GALNT13: variants seen among roughly 807,000 people sequenced by gnomAD.
GALNT13 encodes the protein polypeptide N-acetylgalactosaminyltransferase 13, also known as UDP-GalNAc:polypeptide N-acetylgalactosaminyltransferase 13.
A neutral mutation model predicts 64.2 loss-of-function variants in GALNT13; 28 were observed. The observed-to-expected ratio is 0.44, with a 90% CI of 0.32 to 0.60. The LOEUF (loss-of-function observed/expected upper bound fraction) is 0.60, where lower values mean the gene tolerates loss of function less well. Ranked by LOEUF, GALNT13 falls within the 20% of genes least tolerant of loss-of-function variation. The pLI is 0.05. For synonymous variants in GALNT13, 214 were observed against 224.6 expected, an observed-to-expected ratio of 0.95 and a Z score of 0.42; for missense variants, 577 against 669.8, an observed-to-expected ratio of 0.86 and a Z score of 1.53.
intron 8 of GALNT13, among the ~76,000 whole-genome samples, chr2:154,268,517 T>C (rs1307987683): frequency 6.6e-6 from 1 of 152,170 alleles, no homozygotes; most frequent in Non-Finnish European, 1.5e-5. Flanking sequence ...CTCACAAGTT[T>C]CACCTATGAC....
intron 4 of GALNT13, among the ~76,000 whole-genome samples, chr2:154,201,636 C>T (rs1442070814): frequency 6.6e-6 from 1 of 152,106 alleles, no homozygotes; most frequent in Non-Finnish European, 1.5e-5. Flanking sequence ...TTCTTTAGAT[C>T]ACATTTTTTA....
At chr2:153,605,316 C>A in the GALNT13 span, among the ~76,000 whole-genome samples, 1 of 152,222 alleles carries the variant, frequency 6.6e-6, no homozygotes, top group South Asian at 2.1e-4. Flanking sequence ...TCTTGCTAAG[C>A]AAGCTCATTG....
chr2:154,396,031 A>G lies in GALNT13; in HGVS notation c.1197A>G (p.Lys399=). The G allele has an allele frequency of 6.2e-7, 1 of 1,610,530 alleles. No homozygotes were observed. The highest frequency in any genetic ancestry group is 8.5e-7 in the Non-Finnish European group (1 of 1,178,408). ...ATTATGGAGATGTGTCAGTCAGAAA[A>G]ACACTAAGAGAAAATCTGAAGTGTA... ...KVDYGDVSVR[K]TLRENLKCKP... The change falls in exon 10 of 13, where the codon AAA becomes AAG. Residue 399 remains lysine (K), a synonymous_variant. Transcript: ENST00000392825.
chr2:153,447,698 C>CA, the GALNT13 span, among the ~76,000 whole-genome samples: 7 of 152,104 alleles, frequency 4.6e-5, no homozygotes, highest in Admixed American at 2.0e-4. Flanking sequence ...CTCTTACTGT[C>CA]AAAAAGTTAG....
At chr2:154,357,973 G>C (rs971680869) in intron 9 of GALNT13, among the ~76,000 whole-genome samples, 48 of 152,112 alleles carry the variant, frequency 3.2e-4, no homozygotes, top group African/African-American at 1.1e-3. Flanking sequence ...CTGAGTTTCT[G>C]ACTTACTCAT....
chr2:153,358,090 CT>C, the GALNT13 span, among the ~76,000 whole-genome samples: 4 of 152,156 alleles, frequency 2.6e-5, no homozygotes, highest in Admixed American at 2.0e-4. Context: ...CTGCAGGCTA[CT>C]TAAAAGTGCT....
the GALNT13 span, among the ~76,000 whole-genome samples, chr2:153,836,119 C>T: frequency 3.9e-5 from 6 of 151,956 alleles, no homozygotes; most frequent in Non-Finnish European, 5.9e-5. Flanking sequence ...GGAAAAGATG[C>T]AATCTCAGCT....
At chr2:154,037,460 C>G (rs925105998) in intron 3 of GALNT13, among the ~76,000 whole-genome samples, 9 of 152,102 alleles carry the variant, frequency 5.9e-5, no homozygotes, top group African/African-American at 9.7e-5. Context: ...GACAAGGATG[C>G]CTCCTTTCAC....
intron 1 of GALNT13, among the ~76,000 whole-genome samples, chr2:153,894,524 A>G (rs1687766930): frequency 6.6e-6 from 1 of 152,076 alleles, no homozygotes; most frequent in South Asian, 2.1e-4. Flanking sequence ...GAAAATATGC[A>G]AGGGAGTTAG....
chr2:153,707,982 T>C, the GALNT13 span, among the ~76,000 whole-genome samples: 2 of 152,114 alleles, frequency 1.3e-5, no homozygotes, highest in Non-Finnish European at 1.5e-5. Flanking sequence ...TTAAATGATA[T>C]TAAGATGCCA....
the GALNT13 span, among the ~76,000 whole-genome samples, chr2:153,830,220 G>C: frequency 0.048 from 7,300 of 152,082 alleles, 220 homozygotes; most frequent in East Asian, 0.13. Context: ...TTCAAAATCT[G>C]CGTAATATTT....
chr2:153,248,017 A>G, the GALNT13 span, among the ~76,000 whole-genome samples: 1 of 152,232 alleles, frequency 6.6e-6, no homozygotes, highest in African/African-American at 2.4e-5. Flanking sequence ...ACCAGGAAGA[A>G]GATGAGTGCC....
At chr2:153,803,704 A>G in the GALNT13 span, among the ~76,000 whole-genome samples, 596 of 150,330 alleles carry the variant, frequency 4.0e-3, 10 homozygotes, top group African/African-American at 0.014. Context: ...AAAAAAAAAA[A>G]AAAAGAAAAA....
intron 2 of GALNT13, among the ~76,000 whole-genome samples, chr2:153,935,323 A>G (rs1298397336): frequency 3.9e-5 from 6 of 152,180 alleles, no homozygotes; most frequent in Non-Finnish European, 5.9e-5. Context: ...CCATGGAGAG[A>G]TAGTCCATGG....
At chr2:153,681,560 C>A in the GALNT13 span, among the ~76,000 whole-genome samples, 1 of 151,766 alleles carries the variant, frequency 6.6e-6, no homozygotes, top group Non-Finnish European at 1.5e-5. Context: ...AACAGAAAGA[C>A]AACCAAACTT....
At chr2:153,085,343 C>A in the GALNT13 span, among the ~76,000 whole-genome samples, 4 of 152,280 alleles carry the variant, frequency 2.6e-5, no homozygotes, top group Middle Eastern at 3.4e-3. Context: ...ATCCCCAAGA[C>A]AATGGGGAAA....
intron 9 of GALNT13, among the ~76,000 whole-genome samples, chr2:154,378,562 G>A (rs1021118209): frequency 2.0e-5 from 3 of 152,096 alleles, no homozygotes; most frequent in African/African-American, 7.2e-5. Context: ...CAGATTGGTT[G>A]CAACAATTTG....
At chr2:153,757,188 C>T in the GALNT13 span, among the ~76,000 whole-genome samples, 6 of 152,102 alleles carry the variant, frequency 3.9e-5, no homozygotes, top group African/African-American at 1.4e-4. Flanking sequence ...TACCCTCCCC[C>T]ACAGTCGCTG....
the GALNT13 span, among the ~76,000 whole-genome samples, chr2:153,496,426 T>C: frequency 6.6e-6 from 1 of 152,182 alleles, no homozygotes; most frequent in Non-Finnish European, 1.5e-5. Flanking sequence ...GAGTTTTGAA[T>C]TGCACTGCAT....
Sources: allele counts gnomAD v4.1 joint callset (sites outside exome capture counted in the v4.1 genomes callset), GRCh38; gene constraint gnomAD v4.1.1; transcripts MANE v1.5; gene names NCBI Gene and HGNC (gene_info 2026-07-23, HGNC 2026-07-21).